MT2A: variants seen among roughly 807,000 people sequenced by gnomAD.
The protein encoded by MT2A is metallothionein 2A.
A neutral mutation model predicts 9.9 loss-of-function variants in MT2A; 6 were observed. The observed-to-expected ratio is 0.61, with a 90% CI of 0.33 to 1.20. The LOEUF (loss-of-function observed/expected upper bound fraction) is 1.20. Among genes scored for constraint, MT2A ranks in the 50% most tolerant of loss-of-function variants. MT2A has a pLI of 0.04. For missense variants in MT2A, 57 were observed against 78.2 expected, an observed-to-expected ratio of 0.73 and a Z score of 1.02; for synonymous variants, 27 against 28.7, an observed-to-expected ratio of 0.94 and a Z score of 0.18.
chr16:56,609,176 T>C, intron 2 of MT2A, 87 bp from the exon 3 acceptor site: 1 of 1,612,394 alleles, frequency 6.2e-7, no homozygotes, highest in South Asian at 1.1e-5. Context: ...AATTGTTGCC[T>C]CCTCAGTGAT....
chr16:56,608,828 T>C, intron 1 of MT2A, 145 bp downstream of exon 1: 1 of 1,325,164 alleles, frequency 7.5e-7, no homozygotes, highest in South Asian at 1.3e-5. Flanking sequence ...CATTCTAGGT[T>C]ATTCGGAGCC....
Position 56,609,053 on chromosome 16 carries a change from G to T in MT2A, c.90G>T (p.Lys30Asn). The change falls in exon 2 of 3, where the codon AAG (lysine) becomes AAT (asparagine). Residue 30 changes from lysine (K) to asparagine (N), a missense_variant. Lys to Asn is a moderately conservative substitution (Grantham distance 94, BLOSUM62 0). Coordinates refer to ENST00000245185, the MANE Select transcript of MT2A (RefSeq NM_005953.5). ...AAGAGTGCAAATGCACCTCCTGCAA[G>T]AAAAGTAAGTGGGATCCTCTCTTTC... ...KCKECKCTSC[K>N]KSCCSCCPVG... 4.3e-6 allele frequency: 7 copies of T among 1,614,222 alleles called. No individual in the cohort carries two copies. The highest frequency in any genetic ancestry group is 5.9e-6 in the Non-Finnish European group (7 of 1,180,030).
intron 1 of MT2A, 108 bp downstream of exon 1, chr16:56,608,791 C>A: frequency 6.6e-7 from 1 of 1,513,530 alleles, no homozygotes; most frequent in South Asian, 1.1e-5. Flanking sequence ...TGCTCCTTCC[C>A]AAAGAGTTTT....
At chr16:56,608,723 G>T in intron 1 of MT2A, 40 bp downstream of exon 1, 1 of 1,613,842 alleles carries the variant, frequency 6.2e-7, no homozygotes, top group South Asian at 1.1e-5. Flanking sequence ...TGTAGCGCTA[G>T]AGAAGCAATT....
At chr16:56,608,782 G>A in intron 1 of MT2A, 99 bp downstream of exon 1, 1 of 1,541,586 alleles carries the variant, frequency 6.5e-7, no homozygotes, top group Non-Finnish European at 9.0e-7. Context: ...GACAGGAGTT[G>A]CTCCTTCCCA....
chr16:56,608,870 T>C, intron 1 of MT2A, 122 bp from the exon 2 acceptor site: 1 of 1,343,682 alleles, frequency 7.4e-7, no homozygotes. Context: ...TCTGAGTTAA[T>C]GGCTTGCTCA....
chr16:56,608,731 A>G (rs375060225), intron 1 of MT2A, 48 bp downstream of exon 1: 819 of 1,612,156 alleles, frequency 5.1e-4, no homozygotes, highest in Non-Finnish European at 6.6e-4. Flanking sequence ...TAGAGAAGCA[A>G]TTTCTGACCC....
chr16:56,608,800 T>C, intron 1 of MT2A, 117 bp downstream of exon 1: 2 of 1,453,918 alleles, frequency 1.4e-6, no homozygotes. Context: ...CCAAAGAGTT[T>C]TGGGGTATCT....
At chr16:56,608,917 C>A in intron 1 of MT2A, 75 bp from the exon 2 acceptor site, 1 of 1,545,380 alleles carries the variant, frequency 6.5e-7, no homozygotes, top group Non-Finnish European at 8.9e-7. Context: ...AGGAACTCGG[C>A]CCCGGGCTCT....
chr16:56,609,225 G>C (rs1875223), intron 2 of MT2A, 38 bp from the exon 3 acceptor site: 51,948 of 1,613,722 alleles, frequency 0.032, 1,551 homozygotes, highest in East Asian at 0.13. Flanking sequence ...TCCCGGTGTC[G>C]CTAGTACTCA....
Position 56,609,289 on chromosome 16 carries a change from T to C in MT2A, c.121T>C (p.Cys41Arg), listed in dbSNP as rs1316116297. The change falls in exon 3 of 3, where the codon TGT becomes CGT. Residue 41 changes from cysteine to arginine, a missense_variant. Cys to Arg is a radical substitution (Grantham distance 180). Coordinates refer to ENST00000245185, the MANE Select transcript of MT2A (RefSeq NM_005953.5). Reference sequence around the variant, plus strand: ...CTGCTGCTCCTGCTGCCCTGTGGGCTGTGCCAAGTGTGCCCAGGGCTGCAT... The same window carrying C: ...CTGCTGCTCCTGCTGCCCTGTGGGCCGTGCCAAGTGTGCCCAGGGCTGCAT... The part of the protein sequence containing the change: ...KSCCSCCPVG[C>R]AKCAQGCICK... 1 of 1,614,122 alleles carries C rather than the reference T, an allele frequency of 6.2e-7. No individual in the cohort carries two copies. Among genetic ancestry groups the C allele is most frequent in the Non-Finnish European group, 8.5e-7 (1 of 1,180,058 alleles).
At position 56,609,436 on chromosome 16, in the gene MT2A, C is replaced by G. The variant is rs2144292841; in HGVS notation, c.*82C>G. ...TTTTATGTACAACCCTGACCGTGAC[C>G]GTTTGCTATATTCCTTTTTCTATGA... is the stretch of plus-strand genomic sequence containing the variant. On this transcript the variant is annotated 3_prime_UTR_variant, in exon 3 of 3. Coordinates refer to ENST00000245185, the MANE Select transcript of MT2A (RefSeq NM_005953.5). The G allele has an allele frequency of 6.6e-7, 1 of 1,508,708 alleles. No homozygotes were observed. The highest frequency in any genetic ancestry group is 9.0e-7 in the Non-Finnish European group (1 of 1,116,558). 93.5% of individuals were successfully genotyped at this position (1,508,708 alleles called of 1,614,324 possible). A position where few individuals can be genotyped will look rare whatever the true frequency, so the allele number is the denominator to read the frequency against.
rs1379381984 is a variant in MT2A, at chr16:56,609,059, T to C, written c.94+2T>C. 1.2e-6 allele frequency: 2 copies of C among 1,614,164 alleles called. No individual in the cohort carries two copies. Among genetic ancestry groups the C allele is most frequent in the Admixed American group, 3.3e-5 (2 of 60,034 alleles). ...GCAAATGCACCTCCTGCAAGAAAAG[T>C]AAGTGGGATCCTCTCTTTCCTCTAC... On this transcript the variant is annotated splice_donor_variant, in intron 2 of 2. Transcript: ENST00000245185. LOFTEE classifies it high-confidence loss of function.
In MT2A at chr16:56,608,674, TG is replaced by T. The variant is rs756956230; in HGVS notation, c.20del (p.Cys7SerfsTer93). MDPNCS[C>X]AAGDSCTCAG... ...GCTCGCCATGGATCCCAACTGCTCC[TG>T]CGCCGCCGGTAAGAGGCTGGGGATG... On this transcript the variant is annotated frameshift_variant, in exon 1 of 3. Transcript: ENST00000245185. LOFTEE classifies it high-confidence loss of function. 2.5e-6 allele frequency: 4 copies of T among 1,614,108 alleles called. No homozygotes were observed. The African/African-American group carries it at 5.3e-5, about 22-fold the overall frequency.
Position 56,608,616 on chromosome 16 carries a change from G to T in MT2A, c.-40G>T. The T allele has an allele frequency of 6.2e-7, 1 of 1,614,084 alleles. No individual in the cohort carries two copies. The highest frequency in any genetic ancestry group is 8.5e-7 in the Non-Finnish European group (1 of 1,179,998). ...CTCCTCCAAGTCCCAGCGAACCCGC[G>T]TGCAACCTGTCCCGACTCTAGCCGC... On this transcript the variant is annotated 5_prime_UTR_variant, in exon 1 of 3. Coordinates refer to ENST00000245185, the MANE Select transcript of MT2A (RefSeq NM_005953.5).
Position 56,608,629 on chromosome 16 carries a change from C to G in MT2A, c.-27C>G. 6.2e-7 allele frequency: 1 copy of G among 1,614,180 alleles called. No homozygotes were observed. The highest frequency in any genetic ancestry group is 8.5e-7 in the Non-Finnish European group (1 of 1,180,024). ...CAGCGAACCCGCGTGCAACCTGTCC[C>G]GACTCTAGCCGCCTCTTCAGCTCGC... On this transcript the variant is annotated 5_prime_UTR_variant, in exon 1 of 3. Transcript: ENST00000245185.
intron 1 of MT2A, 102 bp downstream of exon 1, chr16:56,608,785 C>T: frequency 1.3e-6 from 2 of 1,534,374 alleles, no homozygotes; most frequent in Non-Finnish European, 1.8e-6. Context: ...AGGAGTTGCT[C>T]CTTCCCAAAG....
rs1460263126 is a variant in MT2A at position 56,609,458 on chromosome 16, A to G, written c.*104A>G. 6.5e-6 allele frequency: 9 copies of G among 1,389,116 alleles called. No homozygotes were observed. Among genetic ancestry groups the G allele is most frequent in the Middle Eastern group, 2.1e-4 (1 of 4,678 alleles). 86.0% of individuals were successfully genotyped at this position (1,389,116 alleles called of 1,614,324 possible). ...GACCGTTTGCTATATTCCTTTTTCT[A>G]TGAAATAATGTGAATGATAATAAAA... is the stretch of plus-strand genomic sequence containing the variant. On this transcript the variant is annotated 3_prime_UTR_variant, in exon 3 of 3. Coordinates refer to ENST00000245185, the MANE Select transcript of MT2A (RefSeq NM_005953.5).
At position 56,609,351 on chromosome 16, in the gene MT2A, C is replaced by T. The variant is rs1960006482; in HGVS notation, c.183C>T (p.Ala61=). The part of the protein sequence containing the change: ...KGASDKCSCC[A] ...CGTCGGACAAGTGCAGCTGCTGCGC[C>T]TGATGCTGGGACAGCCCCGCTCCCA... Residue 61 remains alanine (A), a synonymous_variant, in exon 3 of 3, where the codon GCC becomes GCT. Coordinates refer to ENST00000245185, the MANE Select transcript of MT2A (RefSeq NM_005953.5). 1 of 1,614,098 alleles carries T rather than the reference C, an allele frequency of 6.2e-7. No homozygotes were observed. Among genetic ancestry groups the T allele is most frequent in the Non-Finnish European group, 8.5e-7 (1 of 1,179,950 alleles).
Sources: allele counts gnomAD v4.1 joint callset, GRCh38; gene constraint gnomAD v4.1.1; transcripts MANE v1.5; gene names NCBI Gene and HGNC (gene_info 2026-07-23, HGNC 2026-07-21).